TMCO6: variants seen among roughly 807,000 people sequenced by gnomAD.
TMCO6 encodes the protein transmembrane and coiled-coil domain-containing protein 6.
In TMCO6, 47 loss-of-function variants were observed where a neutral mutation model predicts 61.8. That is an observed-to-expected ratio of 0.76 (90% CI 0.60 to 0.97). The LOEUF is 0.97. Among genes scored for constraint, TMCO6 ranks in the 50% least tolerant of loss-of-function variants. The pLI is 0.00. For synonymous variants in TMCO6, 261 were observed against 254.2 expected (o/e 1.03, Z -0.25); for missense variants, 557 against 601.6 (o/e 0.93, Z 0.78).
chr5:140,643,352 A>G, intron 7 of TMCO6: 1 of 593,378 alleles, frequency 1.7e-6, no homozygotes, highest in Non-Finnish European at 3.0e-6. Flanking sequence ...GCGTGCCACT[A>G]TGCCCGGCTA....
the TMCO6 span, chr5:140,632,373 T>C: frequency 8.7e-6 from 14 of 1,613,984 alleles, no homozygotes; most frequent in East Asian, 2.2e-5. The surrounding 1 kb of genome is among the most constrained non-coding windows in gnomAD (Gnocchi z 6.2). Context: ...CAGTCCAGGA[T>C]TGTCAGACAG....
chr5:140,636,368 G>T (rs1478316553), upstream of TMCO6, among the ~76,000 whole-genome samples: 1 of 151,858 alleles, frequency 6.6e-6, no homozygotes. Context: ...CACTTTGGGA[G>T]GCCAAGCTGA....
At chr5:140,603,748 A>G in the TMCO6 span, among the ~76,000 whole-genome samples, 9 of 152,144 alleles carry the variant, frequency 5.9e-5, no homozygotes, top group East Asian at 1.7e-3. Flanking sequence ...TCTGTTGATG[A>G]GCATTTGGGT....
the TMCO6 span, among the ~76,000 whole-genome samples, chr5:140,596,590 C>A: frequency 6.6e-6 from 1 of 152,128 alleles, no homozygotes; most frequent in South Asian, 2.1e-4. Context: ...GCTTGTAGTT[C>A]TCAAAAATAA....
chr5:140,612,913 A>G, the TMCO6 span, among the ~76,000 whole-genome samples: 1 of 152,194 alleles, frequency 6.6e-6, no homozygotes, highest in Non-Finnish European at 1.5e-5. Context: ...ATCAGTGAAG[A>G]TTTATGGAAC....
intron 7 of TMCO6, chr5:140,643,331 A>G: frequency 1.7e-6 from 1 of 582,130 alleles, no homozygotes; most frequent in Non-Finnish European, 3.0e-6. Context: ...TGAGTAGCTG[A>G]GACTACAGAT....
chr5:140,617,601 G>A, the TMCO6 span, among the ~76,000 whole-genome samples: 1 of 151,800 alleles, frequency 6.6e-6, no homozygotes, highest in South Asian at 2.1e-4. Context: ...CGGTGTGGTG[G>A]TGCATGCCTG....
At chr5:140,647,383 C>A (rs1157625989), downstream of TMCO6, 18 of 1,611,102 alleles carry the variant, frequency 1.1e-5, no homozygotes, top group Non-Finnish European at 1.4e-5. Flanking sequence ...GGAGAGAGCG[C>A]CGCGCGTGCT....
chr5:140,601,132 G>A, the TMCO6 span, among the ~76,000 whole-genome samples: 1 of 152,222 alleles, frequency 6.6e-6, no homozygotes, highest in South Asian at 2.1e-4. Context: ...ATCCACCCTT[G>A]ATTTCTATAC....
At chr5:140,602,764 T>C in the TMCO6 span, among the ~76,000 whole-genome samples, 2 of 148,152 alleles carry the variant, frequency 1.3e-5, no homozygotes, top group Non-Finnish European at 1.5e-5. Context: ...ACTCTGTCTC[T>C]CTCACACACA....
At chr5:140,598,144 TG>T in the TMCO6 span, among the ~76,000 whole-genome samples, 1 of 152,140 alleles carries the variant, frequency 6.6e-6, no homozygotes, top group Admixed American at 6.5e-5. Flanking sequence ...TTTAAACAAG[TG>T]CTTCATAACT....
chr5:140,596,544 CT>C, the TMCO6 span, among the ~76,000 whole-genome samples: 3 of 152,200 alleles, frequency 2.0e-5, no homozygotes, highest in Non-Finnish European at 4.4e-5. Context: ...AACAGTTATG[CT>C]GGTGGCCTTG....
intron 2 of TMCO6, among the ~76,000 whole-genome samples, chr5:140,640,649 G>C (rs1756968388): frequency 6.6e-6 from 1 of 152,046 alleles, no homozygotes. Context: ...CACCCGCCTT[G>C]GCCTCCCAAA....
the TMCO6 span, among the ~76,000 whole-genome samples, chr5:140,613,283 G>A: frequency 7.6e-4 from 115 of 151,376 alleles, no homozygotes; most frequent in African/African-American, 2.7e-3. Context: ...CAGCTACTTG[G>A]GAGGCTGAAG....
chr5:140,647,639 G>C (rs755127827), downstream of TMCO6: 4 of 1,580,956 alleles, frequency 2.5e-6, no homozygotes, highest in Non-Finnish European at 8.6e-7. Context: ...GCTCCGGTCT[G>C]ACCAACCGCG....
the TMCO6 span, among the ~76,000 whole-genome samples, chr5:140,631,543 A>C: frequency 6.6e-6 from 1 of 152,162 alleles, no homozygotes; most frequent in Non-Finnish European, 1.5e-5. Flanking sequence ...TGTTTCTCCC[A>C]TGCAGCCCTA....
chr5:140,643,852 A>G lies in TMCO6; in HGVS notation c.991A>G (p.Met331Val), dbSNP rs906247234. 6.2e-7 allele frequency: 1 copy of G among 1,614,190 alleles called. No individual in the cohort carries two copies. The highest frequency in any genetic ancestry group is 8.5e-7 in the Non-Finnish European group (1 of 1,180,038). Residue 331 changes from methionine (M) to valine (V), a missense_variant, in exon 9 of 12, where the codon ATG becomes GTG. Coordinates refer to ENST00000394671, the MANE Select transcript of TMCO6 (RefSeq NM_018502.5). Reference protein sequence around the residue: ...EAAVETVGGQMQLRDERVVAA... With the variant: ...EAAVETVGGQVQLRDERVVAA... Reference sequence around the variant, plus strand: ...AGCAGTGGAGACTGTGGGAGGGCAAATGCAGCTCAGAGATGAGCGTGTTGT... The same window carrying G: ...AGCAGTGGAGACTGTGGGAGGGCAAGTGCAGCTCAGAGATGAGCGTGTTGT...
chr5:140,642,685 T>C lies in TMCO6; in HGVS notation c.689+14T>C. The C allele has an allele frequency of 6.2e-7, 1 of 1,613,918 alleles. No homozygotes were observed. Among genetic ancestry groups the C allele is most frequent in the South Asian group, 1.1e-5 (1 of 91,082 alleles). On this transcript the variant is annotated intron_variant, in intron 6 of 11. Transcript: ENST00000394671. ...GAAGATCATTCCGTGAGTAAAATTG[T>C]CTTTAGATGTGCAGCCAGAGGTGAC... is the stretch of plus-strand genomic sequence containing the variant.
the TMCO6 span, chr5:140,631,710 T>A: frequency 1.3e-6 from 1 of 750,152 alleles, no homozygotes; most frequent in Non-Finnish European, 2.2e-6. Context: ...AATAAAGGTC[T>A]GTTAAATGAA....
Sources: allele counts gnomAD v4.1 joint callset (sites outside exome capture counted in the v4.1 genomes callset), GRCh38; gene constraint gnomAD v4.1.1; non-coding constraint Gnocchi (gnomAD v3.1); transcripts MANE v1.5; gene names NCBI Gene and HGNC (gene_info 2026-07-23, HGNC 2026-07-21).